NFIB: variants seen among roughly 807,000 people sequenced by gnomAD.
The protein encoded by NFIB is nuclear factor 1 B-type.
NFIB carries 11 observed loss-of-function variants against 61.5 expected under a neutral mutation model. That is an observed-to-expected ratio of 0.18 (90% confidence interval 0.11 to 0.30). The LOEUF (loss-of-function observed/expected upper bound fraction) is 0.30, where lower values mean the gene tolerates loss of function less well. Ranked by LOEUF, NFIB falls within the 10% of genes least tolerant of loss-of-function variation. The pLI is 1.00. For missense variants in NFIB, 471 were observed against 608.9 expected (o/e 0.77, Z 2.38); for synonymous variants, 260 against 216.5 (o/e 1.20, Z -1.76).
chr9:14,341,882 T>A (rs796623103), intron 1 of NFIB, among the ~76,000 whole-genome samples: 107 of 150,258 alleles, frequency 7.1e-4, no homozygotes, highest in African/African-American at 2.5e-3. Flanking sequence ...CACTGATGTC[T>A]CAGCCCAAAA....
At position 14,085,882 on chromosome 9, in the gene NFIB, T is replaced by C. The variant is rs1444149550; in HGVS notation, c.*2427A>G. 2 of 225,242 alleles carry C rather than the reference T, an allele frequency of 8.9e-6. No homozygotes were observed. Among genetic ancestry groups the C allele is most frequent in the Non-Finnish European group, 1.8e-5 (2 of 112,992 alleles). 14.0% of individuals were successfully genotyped at this position (225,242 alleles called of 1,614,324 possible). A position where few individuals can be genotyped will look rare whatever the true frequency, so the allele number is the denominator to read the frequency against. ...TTCATGTGTTAAACTCTCAAAAGTG[T>C]TAAACATCCAACATCCCCTATGTGG... On this transcript the variant is annotated 3_prime_UTR_variant, in exon 11 of 11. Coordinates refer to ENST00000380953, the MANE Select transcript of NFIB (RefSeq NM_001190737.2).
chr9:14,460,793 C>A, the NFIB span, among the ~76,000 whole-genome samples: 1 of 152,054 alleles, frequency 6.6e-6, no homozygotes, highest in East Asian at 1.9e-4. Flanking sequence ...CTCCTCATTG[C>A]CCTAAGGATA....
At chr9:14,112,447 G>A (rs990338116) in intron 10 of NFIB, among the ~76,000 whole-genome samples, 1 of 152,086 alleles carries the variant, frequency 6.6e-6, no homozygotes, top group Admixed American at 6.5e-5. Flanking sequence ...AATGATGTAA[G>A]AAAGCAGAAC....
At chr9:14,295,364 G>A (rs1292090865) in intron 2 of NFIB, among the ~76,000 whole-genome samples, 4 of 152,102 alleles carry the variant, frequency 2.6e-5, no homozygotes, top group Admixed American at 6.5e-5. Flanking sequence ...GGTGGCTCAT[G>A]CCTGTAATCC....
At chr9:14,147,012 C>G (rs984332958) in intron 5 of NFIB, among the ~76,000 whole-genome samples, 1 of 152,042 alleles carries the variant, frequency 6.6e-6, no homozygotes, top group Non-Finnish European at 1.5e-5. Context: ...CATCTTATAC[C>G]TAACCTGTCT....
intron 2 of NFIB, among the ~76,000 whole-genome samples, chr9:14,272,170 C>G (rs568992588): frequency 6.6e-6 from 1 of 152,106 alleles, no homozygotes; most frequent in Non-Finnish European, 1.5e-5. Flanking sequence ...TTTGAACAAA[C>G]TTAAAATAGC....
At chr9:14,230,917 T>C (rs1020936572) in intron 2 of NFIB, among the ~76,000 whole-genome samples, 1 of 151,516 alleles carries the variant, frequency 6.6e-6, no homozygotes, top group African/African-American at 2.4e-5. Flanking sequence ...TCCACAATCA[T>C]CCCTCAGAAC....
At chr9:14,468,478 C>A in the NFIB span, among the ~76,000 whole-genome samples, 2 of 152,230 alleles carry the variant, frequency 1.3e-5, no homozygotes, top group East Asian at 3.9e-4. Flanking sequence ...AGCTGGTACC[C>A]AGGTTGGGTA....
the NFIB span, among the ~76,000 whole-genome samples, chr9:14,453,166 T>A: frequency 6.6e-6 from 1 of 152,230 alleles, no homozygotes; most frequent in East Asian, 1.9e-4. Flanking sequence ...CTTCTCTGAC[T>A]ATCCCTGCTC....
intron 1 of NFIB, among the ~76,000 whole-genome samples, chr9:14,355,850 C>T (rs937951184): frequency 1.3e-5 from 2 of 151,848 alleles, no homozygotes; most frequent in African/African-American, 2.4e-5. Flanking sequence ...CCAGCTACTC[C>T]GGAGGCTGAG....
chr9:14,484,785 G>C, the NFIB span, among the ~76,000 whole-genome samples: 1 of 152,342 alleles, frequency 6.6e-6, no homozygotes, highest in East Asian at 1.9e-4. Flanking sequence ...ATTAAGTCTT[G>C]GGGAGCCTGT....
chr9:14,114,927 T>C (rs1264083544), intron 9 of NFIB, among the ~76,000 whole-genome samples: 1 of 152,196 alleles, frequency 6.6e-6, no homozygotes, highest in East Asian at 1.9e-4. Flanking sequence ...TACTTAGTGT[T>C]TTGGTGACTG....
chr9:14,329,950 C>T (rs1312335620), intron 1 of NFIB, among the ~76,000 whole-genome samples: 7 of 151,792 alleles, frequency 4.6e-5, no homozygotes, highest in African/African-American at 1.2e-4. Flanking sequence ...GGTGAAACCC[C>T]GTCTCTACTA....
At chr9:14,414,358 C>G in the NFIB span, among the ~76,000 whole-genome samples, 1 of 150,420 alleles carries the variant, frequency 6.6e-6, no homozygotes, top group Non-Finnish European at 1.5e-5. Context: ...TTGCTTGAAC[C>G]CGAGAGGCAG....
chr9:14,307,462 G>C lies in NFIB; in HGVS notation c.89C>G (p.Thr30Ser), dbSNP rs372060788. The part of the protein sequence containing the change: ...LLPHVRAIAY[T>S]WFNLQARKRK... ...TTTTCGAGCCTGCAGGTTGAACCAA[G>C]TATAGGCAATTGCACGGACATGTGG... The change falls in exon 2 of 11, where the codon ACT (threonine) becomes AGT (serine). Residue 30 changes from threonine (T) to serine (S), a missense_variant. Physicochemically the swap from Thr to Ser is moderately conservative, Grantham distance 58. Around this residue, in one of 2 missense-constraint regions of NFIB, gnomAD observed 99 missense variants for 213.3 expected, o/e 0.46. Transcript: ENST00000380953. The surrounding 1 kb of genome is among the most constrained non-coding windows in gnomAD (Gnocchi z 5.3). 23 of 1,613,848 alleles carry C rather than the reference G, an allele frequency of 1.4e-5. No individual in the cohort carries two copies. Among genetic ancestry groups the C allele is most frequent in the Non-Finnish European group, 1.9e-5 (23 of 1,179,932 alleles).
intron 4 of NFIB, among the ~76,000 whole-genome samples, chr9:14,151,956 C>T (rs1190965930): frequency 2.0e-5 from 3 of 152,006 alleles, no homozygotes; most frequent in Non-Finnish European, 2.9e-5. Flanking sequence ...TGGAAGTTTT[C>T]TTACCCCTCA....
intron 9 of NFIB, among the ~76,000 whole-genome samples, chr9:14,114,124 T>A (rs1587305035): frequency 6.6e-6 from 1 of 152,232 alleles, no homozygotes; most frequent in African/African-American, 2.4e-5. Flanking sequence ...ACCAATATAT[T>A]AATTCTGCCT....
intron 1 of NFIB, among the ~76,000 whole-genome samples, chr9:14,395,520 C>T (rs548507592): frequency 1.6e-4 from 25 of 151,844 alleles, no homozygotes; most frequent in Non-Finnish European, 3.1e-4. Context: ...ATGTTTTTCT[C>T]GTGAGCCCCA....
At chr9:14,445,049 C>A in the NFIB span, among the ~76,000 whole-genome samples, 1 of 152,072 alleles carries the variant, frequency 6.6e-6, no homozygotes, top group African/African-American at 2.4e-5. Context: ...TGTTTGTGAG[C>A]TTCGTCCATG....
Sources: allele counts gnomAD v4.1 joint callset (sites outside exome capture counted in the v4.1 genomes callset), GRCh38; gene constraint gnomAD v4.1.1; regional missense constraint gnomAD v4.1.1; non-coding constraint Gnocchi (gnomAD v3.1); transcripts MANE v1.5; gene names NCBI Gene and HGNC (gene_info 2026-07-23, HGNC 2026-07-21).